ZFP91: variants seen among roughly 807,000 people sequenced by gnomAD.
ZFP91 encodes the protein E3 ubiquitin-protein ligase ZFP91.
In ZFP91, 7 loss-of-function variants were observed where a neutral mutation model predicts 63.5. That is an observed-to-expected ratio of 0.11 (90% CI 0.06 to 0.21). ZFP91 has a LOEUF of 0.21. Among genes scored for constraint, ZFP91 ranks in the 10% least tolerant of loss-of-function variants. The pLI is 1.00. For missense variants in ZFP91, 628 were observed against 736.6 expected (o/e 0.85, Z 1.71); for synonymous variants, 330 against 272.1 (o/e 1.21, Z -2.10).
rs1855649429 is a variant in ZFP91, at chr11:58,610,903, A to G, written c.618-47A>G. 5.8e-6 allele frequency: 9 copies of G among 1,563,996 alleles called. 1 individual carries two copies. The highest frequency in any genetic ancestry group is 7.0e-6 in the Non-Finnish European group (8 of 1,143,188). ...ATTACCAAATAAAATCCCCTCAGAC[A>G]TGTTCGCTACAACCAGAATGTCTCA... On this transcript the variant is annotated intron_variant, in intron 4 of 10. Transcript: ENST00000316059.
chr11:58,614,615 C>T (rs1022542939), intron 9 of ZFP91, among the ~76,000 whole-genome samples: 1 of 152,068 alleles, frequency 6.6e-6, no homozygotes, highest in Non-Finnish European at 1.5e-5. Context: ...GGACTAAATA[C>T]GTTATGTATA....
At chr11:58,597,126 T>C (rs1855417289) in intron 2 of ZFP91, among the ~76,000 whole-genome samples, 1 of 152,182 alleles carries the variant, frequency 6.6e-6, no homozygotes, top group Non-Finnish European at 1.5e-5. Flanking sequence ...GGGCAAAGCA[T>C]CAATGGAACC....
intron 2 of ZFP91, among the ~76,000 whole-genome samples, chr11:58,594,318 C>A (rs144792348): frequency 4.0e-4 from 61 of 152,294 alleles, no homozygotes; most frequent in African/African-American, 1.4e-3. Flanking sequence ...CTAGCTACCA[C>A]TTATTTATTC....
rs756154296 is a variant in ZFP91 at position 58,617,655 on chromosome 11, C to A, written c.1662C>A (p.Leu554=). 1 of 1,552,122 alleles carries A rather than the reference C, an allele frequency of 6.4e-7. No individual in the cohort carries two copies. Among genetic ancestry groups the A allele is most frequent in the Non-Finnish European group, 8.7e-7 (1 of 1,151,138 alleles). Residue 554 remains leucine (L), a synonymous_variant, in exon 11 of 11, where the codon CTC becomes CTA. Coordinates refer to ENST00000316059, the MANE Select transcript of ZFP91 (RefSeq NM_053023.5). This position sits in a 1 kb window ranked among gnomAD's most constrained non-coding sequence, Gnocchi z 4.2. ...GGCTGGTTATGAACTCAGATATACTCGGTGCTACCACAGAGGTTCTGATTG... is the reference window on the plus strand; with the variant it reads ...GGCTGGTTATGAACTCAGATATACTAGGTGCTACCACAGAGGTTCTGATTG... ...TEGLVMNSDI[L]GATTEVLIED...
At chr11:58,606,749 A>G (rs1855576496) in intron 2 of ZFP91, among the ~76,000 whole-genome samples, 3 of 152,074 alleles carry the variant, frequency 2.0e-5, no homozygotes, top group Admixed American at 2.0e-4. Context: ...CCTTTCGCTT[A>G]TATTCATCAA....
At chr11:58,591,325 A>G (rs1590614072) in intron 2 of ZFP91, among the ~76,000 whole-genome samples, 1 of 152,200 alleles carries the variant, frequency 6.6e-6, no homozygotes, top group African/African-American at 2.4e-5. Context: ...ATAGTGTCCC[A>G]TTGTGGGAAT....
At chr11:58,587,859 G>T (rs1855237411) in intron 2 of ZFP91, among the ~76,000 whole-genome samples, 1 of 152,006 alleles carries the variant, frequency 6.6e-6, no homozygotes. Flanking sequence ...ACATAAAAAT[G>T]GAGACCAGAA....
At chr11:58,586,182 A>G (rs1855205881) in intron 2 of ZFP91, among the ~76,000 whole-genome samples, 1 of 152,228 alleles carries the variant, frequency 6.6e-6, no homozygotes, top group Admixed American at 6.5e-5. Context: ...AGTCTAGAGC[A>G]TTCTGATTAA....
At chr11:58,612,200 T>C (rs1413916166) in intron 6 of ZFP91, 78 bp from the exon 7 acceptor site, 2 of 1,400,090 alleles carry the variant, frequency 1.4e-6, no homozygotes, top group Non-Finnish European at 2.0e-6. Flanking sequence ...CGTGTGTGTG[T>C]GTGTGTGTCT....
chr11:58,615,421 C>A (rs748681643), intron 9 of ZFP91, among the ~76,000 whole-genome samples: 21 of 152,122 alleles, frequency 1.4e-4, no homozygotes, highest in Non-Finnish European at 2.8e-4. Context: ...AGTTAAATAT[C>A]AAAAGCGTAT....
intron 2 of ZFP91, among the ~76,000 whole-genome samples, chr11:58,593,785 A>C (rs1033716088): frequency 6.6e-6 from 1 of 152,214 alleles, no homozygotes; most frequent in Non-Finnish European, 1.5e-5. Context: ...CAAGAAACAA[A>C]AAACCCTGAT....
At position 58,579,078 on chromosome 11, in the gene ZFP91, G is replaced by T. The variant is rs1205777847; in HGVS notation, c.-204G>T. ...CTGAGCGTCTGTGGCGCGCGCGCGC[G>T]CGCCGCCAGCGGTAGCGGACCTTGA... On this transcript the variant is annotated 5_prime_UTR_variant, in exon 1 of 11. Transcript: ENST00000316059. 7 of 374,624 alleles carry T rather than the reference G, an allele frequency of 1.9e-5. No individual in the cohort carries two copies. The highest frequency in any genetic ancestry group is 3.2e-5 in the Non-Finnish European group (7 of 217,316). 23.2% of individuals were successfully genotyped at this position (374,624 alleles called of 1,614,324 possible).
chr11:58,579,691 T>A lies in ZFP91; in HGVS notation c.341+69T>A. The A allele has an allele frequency of 2.2e-6, 3 of 1,373,500 alleles. No individual in the cohort carries two copies. The South Asian group carries it at 4.5e-5, about 20-fold the overall frequency. 85.1% of individuals were successfully genotyped at this position (1,373,500 alleles called of 1,614,324 possible). On this transcript the variant is annotated intron_variant, in intron 1 of 10. Coordinates refer to ENST00000316059, the MANE Select transcript of ZFP91 (RefSeq NM_053023.5). ...CCGTACGCAACCCTCTCGGCTCCCG[T>A]AGCGCCTACTCCACGTGACATCCTG...
intron 2 of ZFP91, among the ~76,000 whole-genome samples, chr11:58,607,820 A>G (rs1944051): frequency 0.12 from 18,939 of 152,104 alleles, 1,396 homozygotes; most frequent in Middle Eastern, 0.18. Context: ...ACCTACCTCT[A>G]TATAGTATTC....
chr11:58,579,667 C>G (rs749198512), intron 1 of ZFP91, 45 bp downstream of exon 1: 1 of 1,475,196 alleles, frequency 6.8e-7, no homozygotes, highest in African/African-American at 1.5e-5. Flanking sequence ...CCCCTCTGTC[C>G]GTACGCAACC....
rs143380266 is a variant in ZFP91, at chr11:58,612,481, A to G, written c.908+153A>G. The stretch of plus-strand genomic sequence containing the variant: ...ATGTCCTAGATGCACAGGTGTTATG[A>G]TCTTATTTTCATTGTAAGAGCTTGA... On this transcript the variant is annotated intron_variant, in intron 7 of 10. Coordinates refer to ENST00000316059, the MANE Select transcript of ZFP91 (RefSeq NM_053023.5). 263 of 707,762 alleles carry G rather than the reference A, an allele frequency of 3.7e-4. 1 individual carries two copies. The African/African-American group carries it at 4.3e-3, about 12-fold the overall frequency. The allele number at this position is 707,762 out of a possible 1,614,324, so 43.8% of individuals were successfully genotyped here. A position where few individuals can be genotyped will look rare whatever the true frequency, so the allele number is the denominator to read the frequency against.
intron 2 of ZFP91, among the ~76,000 whole-genome samples, chr11:58,606,706 A>T (rs1268751355): frequency 6.8e-6 from 1 of 146,914 alleles, no homozygotes; most frequent in Non-Finnish European, 1.5e-5. Context: ...TTTAGCTCCT[A>T]CTTTGGTCTC....
chr11:58,581,120 A>G (rs79539802), intron 1 of ZFP91, among the ~76,000 whole-genome samples: 102 of 152,346 alleles, frequency 6.7e-4, no homozygotes, highest in African/African-American at 2.4e-3. Flanking sequence ...TGTTGTAAAT[A>G]CTAAGTACAA....
rs553295031 is a variant in ZFP91 at position 58,617,893 on chromosome 11, C to T, written c.*187C>T. ...CCCATCCCCTGTTCTCCCTCTGTTG[C>T]TCCCCTTATAAAATTGATGTTGTCT... On this transcript the variant is annotated 3_prime_UTR_variant, in exon 11 of 11. Transcript: ENST00000316059. This position sits in a 1 kb window ranked among gnomAD's most constrained non-coding sequence, Gnocchi z 4.2. 3.3e-5 allele frequency: 23 copies of T among 693,096 alleles called. No homozygotes were observed. The East Asian group carries it at 7.2e-4, about 22-fold the overall frequency. 42.9% of individuals were successfully genotyped at this position (693,096 alleles called of 1,614,324 possible).
Sources: allele counts gnomAD v4.1 joint callset (sites outside exome capture counted in the v4.1 genomes callset), GRCh38; gene constraint gnomAD v4.1.1; non-coding constraint Gnocchi (gnomAD v3.1); transcripts MANE v1.5; gene names NCBI Gene and HGNC (gene_info 2026-07-23, HGNC 2026-07-21).